The following ZFPM2 variants were observed in gnomAD, a reference collection of about 807,000 sequenced individuals.
ZFPM2 encodes zinc finger protein ZFPM2.
A neutral mutation model predicts 98.6 loss-of-function variants in ZFPM2; 20 were observed. The observed-to-expected ratio is 0.20, with a 90% CI of 0.14 to 0.29. ZFPM2 has a LOEUF of 0.29. ZFPM2 is among the 10% of genes least tolerant of loss of function. ZFPM2 has a pLI of 1.00. For missense variants in ZFPM2, 1,310 were observed against 1,388.6 expected (o/e 0.94, Z 0.90); for synonymous variants, 518 against 502.7 (o/e 1.03, Z -0.41).
chr8:105,536,257 T>A (rs1054530241), intron 3 of ZFPM2, among the ~76,000 whole-genome samples: 26 of 152,166 alleles, frequency 1.7e-4, no homozygotes, highest in African/African-American at 6.0e-4. Flanking sequence ...GTGGTCTATT[T>A]TAATATTTAT....
chr8:105,441,852 G>C (rs1416305184), intron 2 of ZFPM2, among the ~76,000 whole-genome samples: 2 of 152,140 alleles, frequency 1.3e-5, no homozygotes, highest in Non-Finnish European at 2.9e-5. Context: ...AGGCTCAGTA[G>C]AGAAGGGCCA....
At chr8:105,494,431 A>G (rs552452082) in intron 3 of ZFPM2, among the ~76,000 whole-genome samples, 1 of 151,460 alleles carries the variant, frequency 6.6e-6, no homozygotes, top group Non-Finnish European at 1.5e-5. Flanking sequence ...ATCTGTCTCT[A>G]TCCCTAGGTG....
chr8:105,623,668 A>G (rs1816599033), intron 4 of ZFPM2, among the ~76,000 whole-genome samples: 1 of 152,252 alleles, frequency 6.6e-6, no homozygotes, highest in African/African-American at 2.4e-5. Context: ...GACTTTGTGC[A>G]GGGTAGTGTT....
chr8:105,545,258 A>ACCC (rs1759651035), intron 3 of ZFPM2, among the ~76,000 whole-genome samples: 1 of 152,270 alleles, frequency 6.6e-6, no homozygotes, highest in South Asian at 2.1e-4. Flanking sequence ...CCATCAAGAA[A>ACCC]TTAGGATTGT....
intron 1 of ZFPM2, among the ~76,000 whole-genome samples, chr8:105,388,140 G>A (rs1028299066): frequency 6.6e-6 from 1 of 152,126 alleles, no homozygotes; most frequent in East Asian, 1.9e-4. Context: ...CTAAAAGCTG[G>A]TAAAGACAGA....
At chr8:105,370,279 A>G (rs1249137096) in intron 1 of ZFPM2, among the ~76,000 whole-genome samples, 1 of 152,234 alleles carries the variant, frequency 6.6e-6, no homozygotes, top group African/African-American at 2.4e-5. Flanking sequence ...TAAGTACTCA[A>G]TAAGTATTAG....
At chr8:105,366,192 T>C (rs768305785) in intron 1 of ZFPM2, among the ~76,000 whole-genome samples, 18 of 152,256 alleles carry the variant, frequency 1.2e-4, no homozygotes, top group Non-Finnish European at 2.5e-4. Flanking sequence ...TGCTTCTTCA[T>C]TGTGTGTGGA....
chr8:105,736,286 T>A (rs1454597703), intron 5 of ZFPM2, among the ~76,000 whole-genome samples: 1 of 151,886 alleles, frequency 6.6e-6, no homozygotes, highest in East Asian at 2.0e-4. Context: ...TTCTGCAAAT[T>A]TCTAGTATAC....
At chr8:105,558,238 A>G (rs1311036178) in intron 3 of ZFPM2, among the ~76,000 whole-genome samples, 1 of 152,194 alleles carries the variant, frequency 6.6e-6, no homozygotes, top group Non-Finnish European at 1.5e-5. Context: ...CCTTGGTAGA[A>G]TATACATGCT....
chr8:105,351,599 T>C (rs1812648016), intron 1 of ZFPM2, among the ~76,000 whole-genome samples: 1 of 152,190 alleles, frequency 6.6e-6, no homozygotes, highest in Non-Finnish European at 1.5e-5. Context: ...CCTGATTTGC[T>C]TGAGCAGATG....
intron 2 of ZFPM2, among the ~76,000 whole-genome samples, chr8:105,426,341 C>T (rs1767324464): frequency 6.6e-6 from 1 of 152,166 alleles, no homozygotes; most frequent in African/African-American, 2.4e-5. Flanking sequence ...TGCAAATCGC[C>T]TGTAAGCTTA....
intron 6 of ZFPM2, chr8:105,796,629 C>A (rs1206498515): frequency 6.6e-6 from 1 of 152,144 alleles, no homozygotes; most frequent in Non-Finnish European, 1.5e-5. Flanking sequence ...TTAATGTTGT[C>A]TCCCTGAGCC....
chr8:105,449,477 G>A (rs1451990254), intron 3 of ZFPM2, among the ~76,000 whole-genome samples: 2 of 151,882 alleles, frequency 1.3e-5, no homozygotes, highest in Admixed American at 6.6e-5. Flanking sequence ...AAATGAAGTA[G>A]AAAATCAAAC....
chr8:105,640,368 C>T (rs1410839281), intron 5 of ZFPM2, among the ~76,000 whole-genome samples: 1 of 151,928 alleles, frequency 6.6e-6, no homozygotes, highest in Non-Finnish European at 1.5e-5. Flanking sequence ...GCAGTGGCAG[C>T]AATAGTTTAT....
intron 3 of ZFPM2, among the ~76,000 whole-genome samples, chr8:105,447,833 C>T (rs1812405931): frequency 6.6e-6 from 1 of 151,992 alleles, no homozygotes; most frequent in Admixed American, 6.6e-5. Flanking sequence ...GAATCAACTC[C>T]CGTCTGACGT....
chr8:105,776,120 C>G (rs1023884741), intron 5 of ZFPM2, among the ~76,000 whole-genome samples: 1 of 151,160 alleles, frequency 6.6e-6, no homozygotes, highest in South Asian at 2.1e-4. Flanking sequence ...GGAAAGAATA[C>G]AAGCCACGAA....
At chr8:105,496,841 G>A (rs1035711598) in intron 3 of ZFPM2, among the ~76,000 whole-genome samples, 4 of 149,864 alleles carry the variant, frequency 2.7e-5, no homozygotes, top group South Asian at 2.1e-4. Flanking sequence ...AATTAGCTGC[G>A]CGTGGTGGCG....
At chr8:105,484,584 G>A (rs935509023) in intron 3 of ZFPM2, among the ~76,000 whole-genome samples, 1 of 152,064 alleles carries the variant, frequency 6.6e-6, no homozygotes, top group Non-Finnish European at 1.5e-5. Context: ...TACTCATTGA[G>A]TTACTATGGG....
intron 3 of ZFPM2, among the ~76,000 whole-genome samples, chr8:105,518,325 C>A (rs1813980912): frequency 6.6e-6 from 1 of 152,100 alleles, no homozygotes; most frequent in East Asian, 1.9e-4. Flanking sequence ...AACATAGATA[C>A]AATTATACTT....
Sources: allele counts gnomAD v4.1 joint callset (sites outside exome capture counted in the v4.1 genomes callset), GRCh38; gene constraint gnomAD v4.1.1; transcripts MANE v1.5; gene names NCBI Gene and HGNC (gene_info 2026-07-23, HGNC 2026-07-21).